The following ZBTB7A variants were observed in gnomAD, a reference collection of about 807,000 sequenced individuals.
ZBTB7A encodes the protein zinc finger and BTB domain-containing protein 7A.
Under a neutral mutation model 26.7 loss-of-function variants are expected in ZBTB7A, and 7 were observed. The observed-to-expected ratio is 0.26, with a 90% CI of 0.15 to 0.49. The LOEUF is 0.49. Ranked by LOEUF, ZBTB7A falls within the 20% of genes least tolerant of loss-of-function variation. The pLI, the probability that ZBTB7A is intolerant of heterozygous loss-of-function variation, is 0.98. For missense variants in ZBTB7A, 617 were observed against 919.5 expected, an observed-to-expected ratio of 0.67 and a Z score of 4.25; for synonymous variants, 452 against 441.0, an observed-to-expected ratio of 1.02 and a Z score of -0.31.
intron 2 of ZBTB7A, among the ~76,000 whole-genome samples, chr19:4,050,613 G>C (rs1200499977): frequency 6.6e-6 from 1 of 152,178 alleles, no homozygotes; most frequent in Non-Finnish European, 1.5e-5. Flanking sequence ...ATGTGCGCTG[G>C]AAGTGCAAAA....
At chr19:4,057,548 G>A (rs2040593392) in intron 1 of ZBTB7A, among the ~76,000 whole-genome samples, 1 of 152,068 alleles carries the variant, frequency 6.6e-6, no homozygotes, top group East Asian at 1.9e-4. Flanking sequence ...CCAGCACTTT[G>A]AGAGGCCAAG....
rs147200385 is a variant in ZBTB7A at position 4,054,827 on chromosome 19, C to A, written c.406G>T (p.Ala136Ser). 6.2e-7 allele frequency: 1 copy of A among 1,600,946 alleles called. No homozygotes were observed. Among genetic ancestry groups the A allele is most frequent in the African/African-American group, 1.3e-5 (1 of 74,692 alleles). Residue 136 changes from alanine to serine, a missense_variant, in exon 2 of 3, where the codon GCG becomes TCG. Ala to Ser is a moderately conservative substitution (Grantham distance 99). Around this residue, in one of 5 missense-constraint regions of ZBTB7A, gnomAD observed 331 missense variants for 391.3 expected, o/e 0.85. Coordinates refer to ENST00000322357, the MANE Select transcript of ZBTB7A (RefSeq NM_015898.4). ...TCCAGCTGCCCGGCGTCGGCGCCCG[C>A]GTCGGCCGCCAGGATCTGCCGGTCC... is the stretch of plus-strand genomic sequence containing the variant. ...LLDRQILAAD[A>S]GADAGQLDLV...
intron 1 of ZBTB7A, among the ~76,000 whole-genome samples, chr19:4,064,441 C>T (rs1252933189): frequency 6.6e-6 from 1 of 152,184 alleles, no homozygotes; most frequent in African/African-American, 2.4e-5. Context: ...CGCGGACAAA[C>T]GCCCCCGGCC....
Position 4,047,862 on chromosome 19 carries a change from T to TGGCCAC in ZBTB7A, c.1639_1644dup (p.Val547_Ala548dup). ...TTCAACCGGCCCAAGCCGTCGGGGCTGGCCACGTCCTCGTCCTCGTCCTCG... is the reference window on the plus strand; with the variant it reads ...TTCAACCGGCCCAAGCCGTCGGGGCTGGCCACGGCCACGTCCTCGTCCTCGTCCTCG... On this transcript the variant is annotated inframe_insertion, in exon 3 of 3. Transcript: ENST00000322357. The TGGCCAC allele has an allele frequency of 6.2e-7, 1 of 1,602,382 alleles. No individual in the cohort carries two copies. The highest frequency in any genetic ancestry group is 1.1e-5 in the South Asian group (1 of 90,062).
rs146580794 is a variant in ZBTB7A, at chr19:4,055,276, C to T, written c.-15-29G>A. On this transcript the variant is annotated intron_variant, in intron 1 of 2. Transcript: ENST00000322357. Reference sequence around the variant, plus strand: ...CAGCAGTGGGGAAGGAGAGGGCGCTCGTGAGTGGGGGTGCGGGGGTTCCTG... The same window carrying T: ...CAGCAGTGGGGAAGGAGAGGGCGCTTGTGAGTGGGGGTGCGGGGGTTCCTG... 6.8e-4 allele frequency: 979 copies of T among 1,443,284 alleles called. 8 individuals are homozygous for T. In the African/African-American group the frequency reaches 0.013, roughly 19 times the overall value. The allele number at this position is 1,443,284 out of a possible 1,614,324, so 89.4% of individuals were successfully genotyped here. A position where few individuals can be genotyped will look rare whatever the true frequency, so the allele number is the denominator to read the frequency against.
In ZBTB7A at chr19:4,054,422, G is replaced by A; in HGVS notation, c.811C>T (p.His271Tyr). The stretch of plus-strand genomic sequence containing the variant: ...TCCTCCTCTCCGCCGCGGCCGTAGT[G>A]GCCGTTCTGCGTGGCGGCCGGCGGG... ...VAPPAATQNGHYGRGGEEEAA... is the reference protein window; with the variant it reads ...VAPPAATQNGYYGRGGEEEAA... Residue 271 changes from histidine to tyrosine, a missense_variant, in exon 2 of 3, where the codon CAC becomes TAC. This residue lies in a region of ZBTB7A where 331 missense variants were observed against 391.3 expected (regional missense o/e 0.85). Coordinates refer to ENST00000322357, the MANE Select transcript of ZBTB7A (RefSeq NM_015898.4). 1 of 1,369,578 alleles carries A rather than the reference G, an allele frequency of 7.3e-7. No individual in the cohort carries two copies. Among genetic ancestry groups the A allele is most frequent in the Non-Finnish European group, 9.3e-7 (1 of 1,070,620 alleles). 84.8% of individuals were successfully genotyped at this position (1,369,578 alleles called of 1,614,324 possible).
chr19:4,046,020 G>A lies in ZBTB7A; in HGVS notation c.*1732C>T. ...TGGTGGCCATGCGGGAGGGACAGGC[G>A]TGTTGGGGGATTGGGGGGTGCCGGA... On this transcript the variant is annotated 3_prime_UTR_variant, in exon 3 of 3. Transcript: ENST00000322357. 2 of 399,032 alleles carry A rather than the reference G, an allele frequency of 5.0e-6. No individual in the cohort carries two copies. Among genetic ancestry groups the A allele is most frequent in the African/African-American group, 2.1e-5 (1 of 48,728 alleles). The allele number at this position is 399,032 out of a possible 1,614,324, so 24.7% of individuals were successfully genotyped here.
rs372867967 is a variant in ZBTB7A at position 4,048,025 on chromosome 19, G to C, written c.1482C>G (p.Pro494=). ...CGCGGGGCTTGCGGCCGCGGCGCGA[G>C]GGGACGCCGTTGCAGCCGTCTTTCT... The part of the protein sequence containing the change: ...HLKKDGCNGV[P]SRRGRKPRVR... The change falls in exon 3 of 3, where the codon CCC becomes CCG. Residue 494 remains proline (P), a synonymous_variant. Coordinates refer to ENST00000322357, the MANE Select transcript of ZBTB7A (RefSeq NM_015898.4). This position sits in a 1 kb window ranked among gnomAD's most constrained non-coding sequence, Gnocchi z 6.7. 11 of 1,508,920 alleles carry C rather than the reference G, an allele frequency of 7.3e-6. No homozygotes were observed. Among genetic ancestry groups the C allele is most frequent in the Non-Finnish European group, 9.8e-6 (11 of 1,126,192 alleles). The allele number at this position is 1,508,920 out of a possible 1,614,324, so 93.5% of individuals were successfully genotyped here. A position where few individuals can be genotyped will look rare whatever the true frequency, so the allele number is the denominator to read the frequency against.
intron 1 of ZBTB7A, among the ~76,000 whole-genome samples, chr19:4,064,695 T>C (rs2040674048): frequency 6.6e-6 from 1 of 152,058 alleles, no homozygotes; most frequent in African/African-American, 2.4e-5. Flanking sequence ...CGGAGGCAGC[T>C]GGCAGGGAGG....
At position 4,044,485 on chromosome 19, in the gene ZBTB7A, G is replaced by GC; in HGVS notation, c.*3266dup. The GC allele has an allele frequency of 6.6e-6, 1 of 150,736 alleles. No homozygotes were observed. The highest frequency in any genetic ancestry group is 1.5e-5 in the Non-Finnish European group (1 of 67,658). 9.3% of individuals were successfully genotyped at this position (150,736 alleles called of 1,614,324 possible). On this transcript the variant is annotated 3_prime_UTR_variant, in exon 3 of 3. Coordinates refer to ENST00000322357, the MANE Select transcript of ZBTB7A (RefSeq NM_015898.4). ...AAAGATGCTTCTCTCTCTCTCCTGG[G>GC]CCCGGCAGGCTGGGGGGCACTGCAG... is the stretch of plus-strand genomic sequence containing the variant.
intron 1 of ZBTB7A, among the ~76,000 whole-genome samples, chr19:4,064,327 C>A (rs868190026): frequency 6.6e-6 from 1 of 152,232 alleles, no homozygotes; most frequent in Non-Finnish European, 1.5e-5. Flanking sequence ...CGGCTCCTGC[C>A]CCCCCTTCTC....
intron 2 of ZBTB7A, among the ~76,000 whole-genome samples, chr19:4,051,742 T>C (rs73534132): frequency 1.3e-5 from 2 of 152,198 alleles, no homozygotes; most frequent in Non-Finnish European, 1.5e-5. Context: ...ACAGAGGGGA[T>C]GGCAGCCACT....
At chr19:4,063,107 G>A (rs930516769) in intron 1 of ZBTB7A, among the ~76,000 whole-genome samples, 3 of 152,146 alleles carry the variant, frequency 2.0e-5, no homozygotes, top group African/African-American at 7.2e-5. Context: ...GGGTGCAGGT[G>A]TCTCACGCAG....
At chr19:4,050,840 T>C (rs1243488100) in intron 2 of ZBTB7A, among the ~76,000 whole-genome samples, 2 of 152,100 alleles carry the variant, frequency 1.3e-5, no homozygotes, top group Non-Finnish European at 2.9e-5. Flanking sequence ...GGCTCACACC[T>C]GTAACCCCAG....
intron 2 of ZBTB7A, 85 bp downstream of exon 2, chr19:4,053,886 G>A (rs567814501): frequency 8.7e-5 from 129 of 1,478,746 alleles, no homozygotes; most frequent in Middle Eastern, 6.9e-4. Flanking sequence ...TGCGTGCGGT[G>A]CAGGGAGAGA....
At position 4,055,147 on chromosome 19, in the gene ZBTB7A, G is replaced by T; in HGVS notation, c.86C>A (p.Thr29Lys). ...CACCACGTCGCACAGCAGGCCCTGC[G>T]TCCGCTGCTCGTTCAGCCCACTCAG... ...DILSGLNEQR[T>K]QGLLCDVVIL... is the part of the protein sequence containing the mutation. The change falls in exon 2 of 3, where the codon ACG becomes AAG. Residue 29 changes from threonine (T) to lysine (K), a missense_variant. Around this residue, in one of 5 missense-constraint regions of ZBTB7A, gnomAD observed 82 missense variants for 195.2 expected, o/e 0.42. Coordinates refer to ENST00000322357, the MANE Select transcript of ZBTB7A (RefSeq NM_015898.4). 1 of 1,608,752 alleles carries T rather than the reference G, an allele frequency of 6.2e-7. No homozygotes were observed.
Position 4,047,106 on chromosome 19 carries a change from C to A in ZBTB7A, c.*646G>T, listed in dbSNP as rs114623325. 0.062 allele frequency: 9,218 copies of A among 148,440 alleles called. 955 individuals carry two copies. The highest frequency in any genetic ancestry group is 0.22 in the African/African-American group (8,705 of 40,422). The allele number at this position is 148,440 out of a possible 1,614,324, so 9.2% of individuals were successfully genotyped here. ...GGTTTGTGTCTCAGTGGCCAGGAGA[C>A]GTGGGGTGGGCGACGGGGGGAGGCC... On this transcript the variant is annotated 3_prime_UTR_variant, in exon 3 of 3. Coordinates refer to ENST00000322357, the MANE Select transcript of ZBTB7A (RefSeq NM_015898.4).
chr19:4,055,054 T>C lies in ZBTB7A; in HGVS notation c.179A>G (p.Lys60Arg), dbSNP rs1389311565. Residue 60 changes from lysine to arginine, a missense_variant, in exon 2 of 3, where the codon AAG (lysine) becomes AGG (arginine). Physicochemically the swap from Lys to Arg is conservative, Grantham distance 26. Around this residue, in one of 5 missense-constraint regions of ZBTB7A, gnomAD observed 82 missense variants for 195.2 expected, o/e 0.42. Coordinates refer to ENST00000322357, the MANE Select transcript of ZBTB7A (RefSeq NM_015898.4). ...CACGGCGCCCGACGTGAACAGCTTCTTGAAGTACTGGCTGCAGGCGGCCAG... is the reference window on the plus strand; with the variant it reads ...CACGGCGCCCGACGTGAACAGCTTCCTGAAGTACTGGCTGCAGGCGGCCAG... ...SVLAACSQYFKKLFTSGAVVD... is the reference protein window; with the variant it reads ...SVLAACSQYFRKLFTSGAVVD... 5 of 1,610,834 alleles carry C rather than the reference T, an allele frequency of 3.1e-6. No homozygotes were observed. Among genetic ancestry groups the C allele is most frequent in the African/African-American group, 1.3e-5 (1 of 74,880 alleles).
At chr19:4,058,060 C>A (rs2040600286) in intron 1 of ZBTB7A, among the ~76,000 whole-genome samples, 1 of 152,184 alleles carries the variant, frequency 6.6e-6, no homozygotes, top group South Asian at 2.1e-4. Context: ...GGCACGGGGA[C>A]CCAGTGCCGA....
Sources: allele counts gnomAD v4.1 joint callset (sites outside exome capture counted in the v4.1 genomes callset), GRCh38; gene constraint gnomAD v4.1.1; regional missense constraint gnomAD v4.1.1; non-coding constraint Gnocchi (gnomAD v3.1); transcripts MANE v1.5; gene names NCBI Gene and HGNC (gene_info 2026-07-23, HGNC 2026-07-21).